PRKG1: variants seen among roughly 807,000 people sequenced by gnomAD.
PRKG1 encodes protein kinase cGMP-dependent 1, also known as cGMP-dependent protein kinase 1.
In PRKG1, 35 loss-of-function variants were observed where a neutral mutation model predicts 88.1. The observed-to-expected ratio is 0.40, with a 90% CI of 0.30 to 0.53. The LOEUF (loss-of-function observed/expected upper bound fraction) is 0.53, where lower values mean the gene tolerates loss of function less well. Among genes scored for constraint, PRKG1 ranks in the 20% least tolerant of loss-of-function variants. The probability of loss-of-function intolerance (pLI) is 0.59; values close to 1 mark genes in which losing one functional copy is unlikely to be tolerated. For synonymous variants in PRKG1, 303 were observed against 292.5 expected (o/e 1.04, Z -0.37); for missense variants, 540 against 839.8 (o/e 0.64, Z 4.41).
chr10:52,102,026 G>C (rs1847304911), intron 7 of PRKG1, among the ~76,000 whole-genome samples: 1 of 152,092 alleles, frequency 6.6e-6, no homozygotes, highest in African/African-American at 2.4e-5. Context: ...TTCAGGTGAA[G>C]GGAAAAGATA....
intron 3 of PRKG1, among the ~76,000 whole-genome samples, chr10:51,787,699 G>T (rs144537871): frequency 6.6e-6 from 1 of 152,154 alleles, no homozygotes; most frequent in Non-Finnish European, 1.5e-5. Flanking sequence ...AGGAGTTGGC[G>T]CAATTATGTT....
chr10:51,311,489 C>T (rs1334250804), intron 2 of PRKG1, among the ~76,000 whole-genome samples: 2 of 152,096 alleles, frequency 1.3e-5, no homozygotes, highest in African/African-American at 2.4e-5. Context: ...CTGACTTGTC[C>T]GTGGAGAACA....
chr10:51,850,141 C>T (rs1840508751), intron 4 of PRKG1, among the ~76,000 whole-genome samples: 1 of 152,126 alleles, frequency 6.6e-6, no homozygotes, highest in Admixed American at 6.6e-5. Flanking sequence ...TCTACTTGTA[C>T]CCCAAAGTTT....
At chr10:51,569,369 C>T (rs1837689042) in intron 3 of PRKG1, among the ~76,000 whole-genome samples, 1 of 151,918 alleles carries the variant, frequency 6.6e-6, no homozygotes, top group Non-Finnish European at 1.5e-5. Flanking sequence ...GACATCAAAA[C>T]ATAGGAGAAA....
intron 3 of PRKG1, among the ~76,000 whole-genome samples, chr10:51,636,401 G>A (rs1443192723): frequency 6.6e-6 from 1 of 152,098 alleles, no homozygotes; most frequent in Non-Finnish European, 1.5e-5. Context: ...TCATATAATT[G>A]GTTATTCTGT....
chr10:52,171,895 C>T (rs1024737405), intron 9 of PRKG1, among the ~76,000 whole-genome samples: 48 of 145,998 alleles, frequency 3.3e-4, no homozygotes, highest in Non-Finnish European at 6.1e-4. Context: ...CTCCGCTTCC[C>T]GGGTTCACGC....
At chr10:51,324,176 A>G (rs1406330380) in intron 2 of PRKG1, among the ~76,000 whole-genome samples, 1 of 152,182 alleles carries the variant, frequency 6.6e-6, no homozygotes, top group Non-Finnish European at 1.5e-5. Context: ...AAAATACTAT[A>G]CTATTGAACA....
intron 2 of PRKG1, among the ~76,000 whole-genome samples, chr10:51,445,667 A>G (rs1839252242): frequency 6.6e-6 from 1 of 151,954 alleles, no homozygotes; most frequent in South Asian, 2.1e-4. Flanking sequence ...TCAAAAGTAG[A>G]TAATTACTTG....
chr10:51,489,362 G>C (rs1840643223), intron 3 of PRKG1, among the ~76,000 whole-genome samples: 1 of 152,144 alleles, frequency 6.6e-6, no homozygotes, highest in African/African-American at 2.4e-5. Context: ...GGGATTTGAA[G>C]ACCCCATGTT....
intron 3 of PRKG1, among the ~76,000 whole-genome samples, chr10:51,652,903 T>A (rs1313641293): frequency 1.3e-5 from 2 of 152,202 alleles, no homozygotes; most frequent in Non-Finnish European, 2.9e-5. Context: ...CAGCCTCTAT[T>A]CTACTCTCTG....
chr10:51,592,263 G>T (rs1411030373), intron 3 of PRKG1, among the ~76,000 whole-genome samples: 1 of 152,136 alleles, frequency 6.6e-6, no homozygotes, highest in Non-Finnish European at 1.5e-5. Flanking sequence ...CTGAAATAAA[G>T]CCTCCAGACC....
chr10:51,544,819 C>T (rs1462631482), intron 3 of PRKG1, among the ~76,000 whole-genome samples: 6 of 151,956 alleles, frequency 3.9e-5, no homozygotes, highest in African/African-American at 7.3e-5. Context: ...CTACCAAGAA[C>T]ATAAACAAAT....
chr10:51,210,003 CT>C lies in PRKG1; in HGVS notation c.478+56678del, dbSNP rs568201573. ...AGTGTTTGAAAACCTCTTCCCAACC[CT>C]TTTTAATGTATCATGCAACAATTTT... On this transcript the variant is annotated intron_variant, in intron 2 of 17. Transcript: ENST00000373980. Among the ~76,000 whole-genome samples the C allele has an allele frequency of 1.8e-4, 27 of 152,136 alleles. No individual in the cohort carries two copies. In the South Asian group the frequency reaches 5.4e-3, roughly 30 times the overall value.
At chr10:51,930,493 C>T (rs866559050) in intron 5 of PRKG1, among the ~76,000 whole-genome samples, 95 of 85,310 alleles carry the variant, frequency 1.1e-3, no homozygotes, top group African/African-American at 9.6e-3. Flanking sequence ...TTTTTTTTTC[C>T]TCTTTTTTTT....
chr10:51,535,947 T>C (rs946140182), intron 3 of PRKG1, among the ~76,000 whole-genome samples: 18 of 152,218 alleles, frequency 1.2e-4, no homozygotes, highest in African/African-American at 4.3e-4. Flanking sequence ...GGTCCTGACC[T>C]CCTGACCTCA....
intron 3 of PRKG1, among the ~76,000 whole-genome samples, chr10:51,523,357 G>A (rs1296809053): frequency 1.3e-5 from 2 of 152,146 alleles, no homozygotes; most frequent in African/African-American, 2.4e-5. Flanking sequence ...CTCAGGAAAT[G>A]TATTTTCTAT....
At chr10:51,561,678 G>A (rs772638213) in intron 3 of PRKG1, among the ~76,000 whole-genome samples, 5 of 152,016 alleles carry the variant, frequency 3.3e-5, no homozygotes, top group Non-Finnish European at 7.4e-5. Context: ...AGAAGGGGAG[G>A]AAGAGGAAGA....
intron 9 of PRKG1, among the ~76,000 whole-genome samples, chr10:52,169,996 T>G (rs1245673176): frequency 6.6e-6 from 1 of 152,190 alleles, no homozygotes; most frequent in Non-Finnish European, 1.5e-5. Context: ...ATGTTATTTC[T>G]TGGTTAAGAA....
chr10:52,172,945 C>T (rs188757247), intron 9 of PRKG1, among the ~76,000 whole-genome samples: 16 of 152,332 alleles, frequency 1.1e-4, no homozygotes, highest in African/African-American at 3.8e-4. Context: ...GTAAAAATAG[C>T]AATCTTGAAA....
Sources: allele counts gnomAD v4.1 joint callset (sites outside exome capture counted in the v4.1 genomes callset), GRCh38; gene constraint gnomAD v4.1.1; transcripts MANE v1.5; gene names NCBI Gene and HGNC (gene_info 2026-07-23, HGNC 2026-07-21).